The following PABPC4L variants were observed in gnomAD, a reference collection of about 807,000 sequenced individuals.
PABPC4L encodes poly(A) binding protein cytoplasmic 4 like.
For missense variants in PABPC4L, 452 were observed against 451.4 expected (o/e 1.00, Z -0.01); for synonymous variants, 169 against 164.1 (o/e 1.03, Z -0.23).
chr4:133,967,044 G>A, the PABPC4L span, among the ~76,000 whole-genome samples: 1 of 151,912 alleles, frequency 6.6e-6, no homozygotes, highest in Admixed American at 6.6e-5. Flanking sequence ...TAAAGAGAAG[G>A]AAGTACCAAG....
chr4:134,162,866 T>G, the PABPC4L span, among the ~76,000 whole-genome samples: 22 of 152,182 alleles, frequency 1.4e-4, no homozygotes, highest in African/African-American at 5.1e-4. Context: ...GCAAAAGCAA[T>G]GCTAAGAGGA....
chr4:134,034,380 A>G, the PABPC4L span, among the ~76,000 whole-genome samples: 1 of 152,072 alleles, frequency 6.6e-6, no homozygotes, highest in South Asian at 2.1e-4. Flanking sequence ...CTATTAACAC[A>G]ACATCCATTA....
chr4:133,982,770 T>G, the PABPC4L span, among the ~76,000 whole-genome samples: 3 of 151,992 alleles, frequency 2.0e-5, no homozygotes, highest in African/African-American at 7.2e-5. Context: ...AAATTAGTTC[T>G]TACATAATTC....
At chr4:133,952,429 C>T in the PABPC4L span, among the ~76,000 whole-genome samples, 9 of 152,048 alleles carry the variant, frequency 5.9e-5, no homozygotes, top group African/African-American at 2.2e-4. Context: ...TGAGTTTGGA[C>T]ACTTTGATTT....
the PABPC4L span, among the ~76,000 whole-genome samples, chr4:133,950,815 A>G: frequency 3.9e-5 from 6 of 152,126 alleles, no homozygotes; most frequent in African/African-American, 1.4e-4. Flanking sequence ...ATTTATATGA[A>G]CTGTGTTACC....
the PABPC4L span, among the ~76,000 whole-genome samples, chr4:134,015,326 G>A: frequency 6.6e-6 from 1 of 152,048 alleles, no homozygotes; most frequent in African/African-American, 2.4e-5. Context: ...CAACAAAATT[G>A]TTTTGCCTAT....
At position 134,199,239 on chromosome 4, in the gene PABPC4L, T is replaced by C. The variant is rs187270951; in HGVS notation, c.*668A>G. 2 of 152,222 alleles carry C rather than the reference T, an allele frequency of 1.3e-5. No individual in the cohort carries two copies. The highest frequency in any genetic ancestry group is 1.9e-4 in the East Asian group (1 of 5,188). 9.4% of individuals were successfully genotyped at this position (152,222 alleles called of 1,614,324 possible). The stretch of plus-strand genomic sequence containing the variant: ...GATTAACTAGTAAGTACCTGAATTA[T>C]AGTCAACTAATGGAAAGAACAAAAC... On this transcript the variant is annotated 3_prime_UTR_variant, in exon 2 of 2. Coordinates refer to ENST00000421491, the MANE Select transcript of PABPC4L (RefSeq NM_001114734.2).
At chr4:134,009,120 C>A in the PABPC4L span, among the ~76,000 whole-genome samples, 1 of 151,320 alleles carries the variant, frequency 6.6e-6, no homozygotes, top group South Asian at 2.1e-4. Flanking sequence ...TTCTGTGTAT[C>A]CAAAACTTTT....
At chr4:134,066,686 T>C in the PABPC4L span, among the ~76,000 whole-genome samples, 1 of 152,144 alleles carries the variant, frequency 6.6e-6, no homozygotes, top group Non-Finnish European at 1.5e-5. Flanking sequence ...TTGTCATAGA[T>C]GGCTCATATT....
the PABPC4L span, among the ~76,000 whole-genome samples, chr4:134,052,599 A>G: frequency 1.3e-5 from 2 of 152,062 alleles, no homozygotes; most frequent in Admixed American, 6.6e-5. Context: ...TCCCTGGAAC[A>G]TGAAAACAGA....
chr4:134,145,044 T>G, the PABPC4L span, among the ~76,000 whole-genome samples: 15 of 151,754 alleles, frequency 9.9e-5, no homozygotes, highest in African/African-American at 3.1e-4. Context: ...GTTCAAGTGT[T>G]TGCAGACCCA....
chr4:134,187,090 C>T, the PABPC4L span, among the ~76,000 whole-genome samples: 261 of 152,084 alleles, frequency 1.7e-3, no homozygotes, highest in African/African-American at 4.7e-3. Context: ...TTTACACTGT[C>T]GGTGGGACTG....
the PABPC4L span, among the ~76,000 whole-genome samples, chr4:134,141,702 T>A: frequency 6.6e-6 from 1 of 151,726 alleles, no homozygotes; most frequent in African/African-American, 2.4e-5. Context: ...AATTTTCACT[T>A]TTATCTTTTC....
the PABPC4L span, among the ~76,000 whole-genome samples, chr4:134,067,449 C>T: frequency 6.6e-6 from 1 of 151,818 alleles, no homozygotes. Context: ...TAATGGTCTA[C>T]CTGTCTTATG....
the PABPC4L span, among the ~76,000 whole-genome samples, chr4:133,954,428 A>T: frequency 6.6e-6 from 1 of 152,170 alleles, no homozygotes; most frequent in African/African-American, 2.4e-5. Flanking sequence ...TATCCTCCTG[A>T]GCCAAACATA....
chr4:133,995,243 A>G, the PABPC4L span, among the ~76,000 whole-genome samples: 5 of 152,112 alleles, frequency 3.3e-5, no homozygotes, highest in Admixed American at 6.6e-5. Flanking sequence ...TTCCCACGTT[A>G]CCTTGGTCTC....
At chr4:133,988,129 T>G in the PABPC4L span, among the ~76,000 whole-genome samples, 1 of 152,144 alleles carries the variant, frequency 6.6e-6, no homozygotes, top group African/African-American at 2.4e-5. Flanking sequence ...TTGTGGTAAC[T>G]ACACAATTCA....
At chr4:134,156,392 G>A in the PABPC4L span, among the ~76,000 whole-genome samples, 1 of 151,804 alleles carries the variant, frequency 6.6e-6, no homozygotes, top group Admixed American at 6.6e-5. Flanking sequence ...TAAATCTACT[G>A]TCACTTGACA....
At chr4:134,080,432 G>C in the PABPC4L span, among the ~76,000 whole-genome samples, 1 of 152,110 alleles carries the variant, frequency 6.6e-6, no homozygotes, top group Non-Finnish European at 1.5e-5. Context: ...GTAGGAGTTG[G>C]AATGTCTGAG....
Sources: gnomAD v4.1 joint callset for allele counts (sites outside exome capture counted in the v4.1 genomes callset) on GRCh38, gnomAD v4.1.1 for gene constraint, MANE v1.5 for transcripts, NCBI Gene and HGNC (gene_info 2026-07-23, HGNC 2026-07-21) for gene names.